The following NRXN3 variants were observed in gnomAD, a reference collection of about 807,000 sequenced individuals.
The protein encoded by NRXN3 is neurexin 3.
NRXN3 carries 32 observed loss-of-function variants against 137.6 expected under a neutral mutation model. That is an observed-to-expected ratio of 0.23 (90% CI 0.18 to 0.31). NRXN3 has a LOEUF of 0.31. Ranked by LOEUF, NRXN3 falls within the 10% of genes least tolerant of loss-of-function variation. NRXN3 has a pLI of 1.00. For synonymous variants in NRXN3, 798 were observed against 784.5 expected (o/e 1.02, Z -0.29); for missense variants, 1,574 against 2,062.5 (o/e 0.76, Z 4.59).
chr14:79,345,153 C>T (rs2092804723), intron 15 of NRXN3, among the ~76,000 whole-genome samples: 1 of 152,036 alleles, frequency 6.6e-6, no homozygotes, highest in Non-Finnish European at 1.5e-5. Flanking sequence ...CAGAAAATTA[C>T]TCAAAATATT....
intron 1 of NRXN3, among the ~76,000 whole-genome samples, chr14:78,214,829 G>A (rs374619907): frequency 6.6e-6 from 1 of 152,104 alleles, no homozygotes; most frequent in Non-Finnish European, 1.5e-5. Flanking sequence ...TTGGTTTCTC[G>A]ATTCTGACTC....
chr14:78,639,420 C>T (rs1233913813), intron 4 of NRXN3, among the ~76,000 whole-genome samples: 1 of 152,208 alleles, frequency 6.6e-6, no homozygotes, highest in Non-Finnish European at 1.5e-5. Flanking sequence ...GCTACAGCCA[C>T]TTCAGAGGGG....
chr14:78,295,776 T>C (rs2076254240), intron 3 of NRXN3, among the ~76,000 whole-genome samples: 1 of 152,142 alleles, frequency 6.6e-6, no homozygotes, highest in African/African-American at 2.4e-5. Context: ...AAATACACTT[T>C]GGGAAGCATA....
chr14:79,547,707 A>C (rs1260885204), intron 16 of NRXN3, among the ~76,000 whole-genome samples: 23 of 152,324 alleles, frequency 1.5e-4, no homozygotes, highest in Non-Finnish European at 8.8e-5. Flanking sequence ...GGGGAGCTGG[A>C]TAGCATTTAC....
At chr14:78,732,127 C>A (rs2098518937) in intron 8 of NRXN3, among the ~76,000 whole-genome samples, 1 of 152,166 alleles carries the variant, frequency 6.6e-6, no homozygotes, top group South Asian at 2.1e-4. Flanking sequence ...CTCCTATTAG[C>A]AAATGAAAGG....
At chr14:79,341,785 A>T (rs1396361036) in intron 15 of NRXN3, among the ~76,000 whole-genome samples, 1 of 152,126 alleles carries the variant, frequency 6.6e-6, no homozygotes, top group South Asian at 2.1e-4. Flanking sequence ...GTTTGCCTCA[A>T]AAAAAAGGAA....
chr14:79,226,285 T>C (rs989705786), intron 15 of NRXN3, among the ~76,000 whole-genome samples: 2 of 152,196 alleles, frequency 1.3e-5, no homozygotes, highest in African/African-American at 4.8e-5. Context: ...ATATGTGCAA[T>C]ATATTTATTC....
chr14:78,490,438 A>G (rs1009022194), intron 4 of NRXN3, among the ~76,000 whole-genome samples: 2 of 152,180 alleles, frequency 1.3e-5, no homozygotes, highest in Non-Finnish European at 2.9e-5. Flanking sequence ...GCCAGAAAAC[A>G]TAGTATTATC....
At chr14:78,741,288 A>G (rs767739137) in intron 8 of NRXN3, among the ~76,000 whole-genome samples, 31 of 152,096 alleles carry the variant, frequency 2.0e-4, no homozygotes, top group Non-Finnish European at 4.4e-4. Context: ...TTTTTGCTGT[A>G]ACAACACGTG....
At chr14:79,381,836 C>A (rs2094478613) in intron 15 of NRXN3, among the ~76,000 whole-genome samples, 2 of 152,126 alleles carry the variant, frequency 1.3e-5, no homozygotes, top group Non-Finnish European at 2.9e-5. Context: ...CAGCAACTAG[C>A]AAATGGTTTC....
At chr14:78,252,228 A>G (rs1432495374) in intron 2 of NRXN3, among the ~76,000 whole-genome samples, 7 of 151,748 alleles carry the variant, frequency 4.6e-5, no homozygotes, top group African/African-American at 1.7e-4. Flanking sequence ...ATAGTCATCC[A>G]GAGAAACTAC....
chr14:79,822,824 C>G (rs1339104736), intron 20 of NRXN3, among the ~76,000 whole-genome samples: 1 of 151,504 alleles, frequency 6.6e-6, no homozygotes, highest in Admixed American at 6.6e-5. Flanking sequence ...AACAAACAAA[C>G]AAACAAACAA....
intron 8 of NRXN3, among the ~76,000 whole-genome samples, chr14:78,715,529 A>G (rs1489868050): frequency 6.6e-6 from 1 of 152,206 alleles, no homozygotes; most frequent in Non-Finnish European, 1.5e-5. Context: ...TAGAAATACA[A>G]TGTTGAACAA....
chr14:79,276,894 T>G (rs894865613), intron 15 of NRXN3, among the ~76,000 whole-genome samples: 1 of 152,150 alleles, frequency 6.6e-6, no homozygotes. Flanking sequence ...ATTCAGCCAG[T>G]ATTTACTGAG....
chr14:78,593,190 AC>A (rs1400510719), intron 4 of NRXN3, among the ~76,000 whole-genome samples: 2 of 152,086 alleles, frequency 1.3e-5, no homozygotes, highest in African/African-American at 4.8e-5. Context: ...AATATTGAAC[AC>A]CCTGTGAAGA....
intron 17 of NRXN3, among the ~76,000 whole-genome samples, chr14:79,679,464 A>G (rs1301147672): frequency 6.6e-6 from 1 of 152,194 alleles, no homozygotes; most frequent in Non-Finnish European, 1.5e-5. Flanking sequence ...TAAAGGTTAT[A>G]AGAACCTTTC....
chr14:78,852,256 C>G (rs891386064), intron 10 of NRXN3, among the ~76,000 whole-genome samples: 1 of 152,152 alleles, frequency 6.6e-6, no homozygotes, highest in Non-Finnish European at 1.5e-5. Context: ...AATACCCTGA[C>G]GAAGCAAGCC....
chr14:78,803,291 A>G (rs1004726735), intron 8 of NRXN3, among the ~76,000 whole-genome samples: 1 of 152,234 alleles, frequency 6.6e-6, no homozygotes, highest in Non-Finnish European at 1.5e-5. Context: ...AATTGCAAAC[A>G]ATACTATTTG....
intron 4 of NRXN3, among the ~76,000 whole-genome samples, chr14:78,351,187 G>C (rs2083440229): frequency 6.6e-6 from 1 of 152,100 alleles, no homozygotes; most frequent in African/African-American, 2.4e-5. Flanking sequence ...GATATGTTTA[G>C]CTCTAGGGCA....
Sources: gnomAD v4.1 joint callset for allele counts (sites outside exome capture counted in the v4.1 genomes callset) on GRCh38, gnomAD v4.1.1 for gene constraint, MANE v1.5 for transcripts, NCBI Gene and HGNC (gene_info 2026-07-23, HGNC 2026-07-21) for gene names.